Variants in ANO10 observed in about 807,000 individuals in gnomAD.
ANO10 encodes anoctamin 10.
In ANO10, 77 loss-of-function variants were observed where a neutral mutation model predicts 74.7. The observed-to-expected ratio is 1.03, with a 90% confidence interval of 0.86 to 1.25. ANO10 has a LOEUF of 1.25. Ranked by LOEUF, ANO10 falls within the 50% of genes most tolerant of loss-of-function variation. The pLI is 0.00. For synonymous variants in ANO10, 279 were observed against 284.9 expected, an observed-to-expected ratio of 0.98 and a Z score of 0.21; for missense variants, 721 against 778.1, an observed-to-expected ratio of 0.93 and a Z score of 0.87.
chr3:43,592,084 A>G (rs1233544702), intron 4 of ANO10, among the ~76,000 whole-genome samples: 1 of 152,240 alleles, frequency 6.6e-6, no homozygotes, highest in Non-Finnish European at 1.5e-5. Context: ...TTGAGTAGGT[A>G]AACAAAGCAG....
intron 10 of ANO10, among the ~76,000 whole-genome samples, chr3:43,552,839 G>A (rs1397174201): frequency 6.6e-6 from 1 of 151,448 alleles, no homozygotes; most frequent in Admixed American, 6.6e-5. Context: ...TGTCACCCAG[G>A]CTGGAGTGGA....
chr3:43,378,593 T>C (rs1016476106), intron 12 of ANO10, among the ~76,000 whole-genome samples: 2 of 152,188 alleles, frequency 1.3e-5, no homozygotes, highest in Non-Finnish European at 2.9e-5. Context: ...TAAAACAAAA[T>C]TGATAATTAC....
intron 11 of ANO10, among the ~76,000 whole-genome samples, chr3:43,540,913 T>C (rs2078927274): frequency 6.6e-6 from 1 of 152,248 alleles, no homozygotes; most frequent in Non-Finnish European, 1.5e-5. Flanking sequence ...GTATTCAATG[T>C]AAGCATTTGA....
At chr3:43,679,011 G>C (rs1342921268) in intron 1 of ANO10, among the ~76,000 whole-genome samples, 1 of 152,184 alleles carries the variant, frequency 6.6e-6, no homozygotes, top group South Asian at 2.1e-4. Flanking sequence ...CTCCCAGCAT[G>C]AGTGACGCAG....
At chr3:43,490,303 C>G (rs2076670662) in intron 11 of ANO10, among the ~76,000 whole-genome samples, 1 of 152,156 alleles carries the variant, frequency 6.6e-6, no homozygotes, top group Non-Finnish European at 1.5e-5. Context: ...AATATTCCCT[C>G]CTGTTGCAAT....
rs56213626 is a variant in ANO10, at chr3:43,428,796, C to CAAAAAAAAAAAAAAAAAA, written c.1914+3797_1914+3814dup. Among the ~76,000 whole-genome samples the CAAAAAAAAAAAAAAAAAA allele has an allele frequency of 3.1e-4, 17 of 55,424 alleles. 6 individuals carry two copies. The highest frequency in any genetic ancestry group is 1.6e-3 in the South Asian group (2 of 1,242). The allele number at this position is 55,424 out of a possible 152,430, so 36.4% of individuals were successfully genotyped here. A position where few individuals can be genotyped will look rare whatever the true frequency, so the allele number is the denominator to read the frequency against. On this transcript the variant is annotated intron_variant, in intron 12 of 12. Transcript: ENST00000292246. ...CCAAAATCCTGAAACTTTGTGAATGCAAAAAAAAAAAAAAAAAAAAAAGTC... is the reference window on the plus strand; with the variant it reads ...CCAAAATCCTGAAACTTTGTGAATGCAAAAAAAAAAAAAAAAAAAAAAAAAAAAAAAAAAAAAAAAGTC...
At chr3:43,395,590 A>G (rs892457337) in intron 12 of ANO10, among the ~76,000 whole-genome samples, 1 of 152,180 alleles carries the variant, frequency 6.6e-6, no homozygotes, top group Admixed American at 6.5e-5. Flanking sequence ...TCAGTAGTAC[A>G]TACATGTGTG....
chr3:43,677,058 T>C (rs891155683), intron 1 of ANO10, among the ~76,000 whole-genome samples: 1 of 152,144 alleles, frequency 6.6e-6, no homozygotes, highest in African/African-American at 2.4e-5. Flanking sequence ...CACAGCACTA[T>C]TCACAATAGC....
intron 11 of ANO10, among the ~76,000 whole-genome samples, chr3:43,522,559 A>C (rs1433153192): frequency 2.0e-5 from 3 of 152,232 alleles, no homozygotes; most frequent in Non-Finnish European, 4.4e-5. Context: ...AGTTTAATAT[A>C]GACAACTGTG....
upstream of ANO10, among the ~76,000 whole-genome samples, chr3:43,625,675 A>G (rs2083484795): frequency 6.6e-6 from 1 of 152,164 alleles, no homozygotes; most frequent in Admixed American, 6.5e-5. Flanking sequence ...TTATCTATTT[A>G]TTTGTATTGT....
intron 1 of ANO10, among the ~76,000 whole-genome samples, chr3:43,688,956 G>C (rs551054010): frequency 6.6e-6 from 1 of 152,278 alleles, no homozygotes; most frequent in African/African-American, 2.4e-5. Context: ...CTTCTGGAAA[G>C]GCCACAGGGA....
At position 43,665,998 on chromosome 3, in the gene ANO10, C is replaced by T. The variant is rs1305633206; in HGVS notation, c.-12+25519G>A. 2.6e-5 allele frequency among the ~76,000 whole-genome samples: 4 copies of T among 152,048 alleles called. No individual in the cohort carries two copies. In the East Asian group the frequency reaches 5.8e-4, roughly 22 times the overall value. ...TAATAACTCCAAAGGAGCTACAGAA[C>T]GTGCAGATGACAAAAAATATATTAA... On this transcript the variant is annotated intron_variant, in intron 1 of 3. Transcript: ENST00000413397.
intron 11 of ANO10, among the ~76,000 whole-genome samples, chr3:43,458,248 G>A (rs1311458229): frequency 6.6e-6 from 1 of 152,108 alleles, no homozygotes; most frequent in Non-Finnish European, 1.5e-5. Flanking sequence ...CCCCTGCAAT[G>A]GAGACCACTG....
At chr3:43,484,916 T>A in intron 11 of ANO10, 1 of 723,402 alleles carries the variant, frequency 1.4e-6, no homozygotes, top group South Asian at 1.7e-5. Context: ...GTCTTTTTTT[T>A]TTCACCGGGG....
At chr3:43,479,845 T>C (rs1204357587) in intron 11 of ANO10, among the ~76,000 whole-genome samples, 1 of 152,098 alleles carries the variant, frequency 6.6e-6, no homozygotes, top group Non-Finnish European at 1.5e-5. Flanking sequence ...TCTCTATCCT[T>C]CAAAGTCCCA....
At position 43,428,174 on chromosome 3, in the gene ANO10, C is replaced by A. The variant is rs182709913; in HGVS notation, c.1914+4437G>T. On this transcript the variant is annotated intron_variant, in intron 12 of 12. Transcript: ENST00000292246. The stretch of plus-strand genomic sequence containing the variant: ...AAGCGATTCTCGTGCCTCAGCCTCC[C>A]GAGTAGCTGGGATTACAGGTGTGTG... Among the ~76,000 whole-genome samples, 1,131 of 152,002 alleles carry A rather than the reference C, an allele frequency of 7.4e-3. 8 individuals carry two copies. The highest frequency in any genetic ancestry group is 0.013 in the Non-Finnish European group (874 of 67,978).
At chr3:43,485,809 T>G (rs1160523586) in intron 11 of ANO10, 1 of 278,366 alleles carries the variant, frequency 3.6e-6, no homozygotes, top group East Asian at 1.2e-4. Context: ...AGTGGGGCAG[T>G]GTGTGGCATT....
At chr3:43,499,222 G>C (rs1475320319) in intron 11 of ANO10, among the ~76,000 whole-genome samples, 5 of 152,122 alleles carry the variant, frequency 3.3e-5, no homozygotes, top group African/African-American at 1.2e-4. Flanking sequence ...AACGATACTT[G>C]TGATAGGGTA....
At chr3:43,633,199 C>T (rs1282800000) in intron 1 of ANO10, among the ~76,000 whole-genome samples, 1 of 152,042 alleles carries the variant, frequency 6.6e-6, no homozygotes, top group Non-Finnish European at 1.5e-5. Context: ...CGGTTTTTGC[C>T]ATTGAGAGTA....
Sources: gnomAD v4.1 joint callset for allele counts (sites outside exome capture counted in the v4.1 genomes callset) on GRCh38, gnomAD v4.1.1 for gene constraint, MANE v1.5 for transcripts, NCBI Gene and HGNC (gene_info 2026-07-23, HGNC 2026-07-21) for gene names.